Variants in TMEM144 observed in about 807,000 individuals in gnomAD.
TMEM144 encodes transmembrane protein 144.
Under a neutral mutation model 43.6 loss-of-function variants are expected in TMEM144, and 39 were observed. The ratio of observed to expected loss-of-function variants is 0.90; its 90% CI spans 0.69 to 1.17. TMEM144 has a LOEUF of 1.17. TMEM144 is among the 50% of genes most tolerant of loss of function. The pLI is 0.00. For missense variants in TMEM144, 417 were observed against 411.9 expected (o/e 1.01, Z -0.11); for synonymous variants, 154 against 133.6 (o/e 1.15, Z -1.06).
intron 11 of TMEM144, 26 bp downstream of exon 11, chr4:158,241,632 A>G: frequency 1.2e-6 from 2 of 1,600,590 alleles, no homozygotes; most frequent in East Asian, 2.2e-5. Context: ...GGTTTTCCTA[A>G]TTTTCATTTT....
In TMEM144 at chr4:158,237,608, G is replaced by T; in HGVS notation, c.647G>T (p.Arg216Ile). 6.2e-7 allele frequency: 1 copy of T among 1,613,736 alleles called. No homozygotes were observed. The highest frequency in any genetic ancestry group is 8.5e-7 in the Non-Finnish European group (1 of 1,179,784). The change falls in exon 9 of 13, where the codon AGA becomes ATA. Residue 216 changes from arginine (R) to isoleucine (I), a missense_variant. By Grantham distance (97) the Arg-to-Ile change is moderately conservative. Transcript: ENST00000296529. ...PIIYIKDHSK[R>I]NDSIYAGASQ... ...ATCTACATCAAGGACCACAGCAAAA[G>T]AAATGATAGTATATATGCAGGGGCA...
In TMEM144 at chr4:158,212,682, A is replaced by G; in HGVS notation, c.15A>G (p.Gly5=). MSNN[G]ADLTFGYISC... is the part of the protein sequence containing the mutation. ...AGACTGGAATCATGAGCAACAATGG[A>G]GCAGACCTAACCTTTGGTTACATCT... is the stretch of plus-strand genomic sequence containing the variant. The change falls in exon 3 of 13, where the codon GGA becomes GGG. Residue 5 remains glycine, a synonymous_variant. Coordinates refer to ENST00000296529, the MANE Select transcript of TMEM144 (RefSeq NM_018342.5). The G allele has an allele frequency of 2.5e-6, 4 of 1,612,794 alleles. No individual in the cohort carries two copies. Among genetic ancestry groups the G allele is most frequent in the Non-Finnish European group, 3.4e-6 (4 of 1,179,572 alleles).
chr4:158,217,223 C>T (rs576587604), intron 4 of TMEM144, 98 bp from the exon 5 acceptor site: 2 of 779,330 alleles, frequency 2.6e-6, no homozygotes, highest in East Asian at 5.7e-5. Flanking sequence ...GTCCAAATCA[C>T]ATGCACTTCA....
intron 6 of TMEM144, among the ~76,000 whole-genome samples, chr4:158,222,460 C>T (rs1468635244): frequency 6.6e-6 from 1 of 152,212 alleles, no homozygotes; most frequent in Non-Finnish European, 1.5e-5. Context: ...GCCTCCTTGG[C>T]CATCATTTAA....
At chr4:158,220,447 A>C (rs1000056559) in intron 6 of TMEM144, among the ~76,000 whole-genome samples, 3 of 152,214 alleles carry the variant, frequency 2.0e-5, no homozygotes, top group African/African-American at 7.2e-5. Flanking sequence ...TACCCAGTCT[A>C]TCAGGCATTG....
At chr4:158,219,233 C>T in intron 5 of TMEM144, 77 bp from the exon 6 acceptor site, 2 of 1,413,836 alleles carry the variant, frequency 1.4e-6, no homozygotes, top group Admixed American at 1.7e-5. Flanking sequence ...GGAATCTGGC[C>T]CCTAGTCCAT....
chr4:158,211,948 G>A (rs1733979258), intron 2 of TMEM144: 2 of 152,094 alleles, frequency 1.3e-5, no homozygotes, highest in African/African-American at 4.8e-5. Flanking sequence ...AAAATAACAA[G>A]GAAAGGTGAT....
At chr4:158,230,606 C>T (rs1334078825) in intron 6 of TMEM144, among the ~76,000 whole-genome samples, 1 of 151,458 alleles carries the variant, frequency 6.6e-6, no homozygotes, top group Non-Finnish European at 1.5e-5. Flanking sequence ...TATATGCACA[C>T]ACAGAAATAC....
At chr4:158,252,773 A>C (rs569176999) in intron 12 of TMEM144, among the ~76,000 whole-genome samples, 1 of 149,184 alleles carries the variant, frequency 6.7e-6, no homozygotes, top group East Asian at 2.0e-4. Flanking sequence ...ACGCCACTGA[A>C]CTCCAGCCTA....
chr4:158,223,602 C>T (rs182314884), intron 6 of TMEM144, among the ~76,000 whole-genome samples: 72 of 152,248 alleles, frequency 4.7e-4, no homozygotes, highest in African/African-American at 1.7e-3. Flanking sequence ...GTGTTGTTCC[C>T]CTCCCTGTGT....
rs541011477 is a variant in TMEM144 at position 158,254,707 on chromosome 4, A to C, written c.*1180A>C. 7 of 152,220 alleles carry C rather than the reference A, an allele frequency of 4.6e-5. No individual in the cohort carries two copies. The highest frequency in any genetic ancestry group is 1.7e-4 in the African/African-American group (7 of 41,458). The allele number at this position is 152,220 out of a possible 1,614,324, so 9.4% of individuals were successfully genotyped here. ...CTTTGAGATAACGAAACCCCTATTC[A>C]AATGTAAATTTTACCCATTCCCACC... On this transcript the variant is annotated 3_prime_UTR_variant, in exon 13 of 13. Transcript: ENST00000296529.
intron 5 of TMEM144, among the ~76,000 whole-genome samples, chr4:158,217,710 G>C (rs145658044): frequency 6.1e-4 from 93 of 152,274 alleles, no homozygotes; most frequent in African/African-American, 2.2e-3. Context: ...CAATTTGCTG[G>C]ACATGTTCTA....
chr4:158,223,746 T>C (rs1215307856), intron 6 of TMEM144, among the ~76,000 whole-genome samples: 1 of 152,232 alleles, frequency 6.6e-6, no homozygotes, highest in Non-Finnish European at 1.5e-5. Context: ...ATGACCTCAT[T>C]CCTCTTTATG....
chr4:158,215,358 T>C (rs1734171117), intron 4 of TMEM144, 45 bp downstream of exon 4: 1 of 1,594,230 alleles, frequency 6.3e-7, no homozygotes, highest in South Asian at 1.1e-5. Flanking sequence ...AACATAATGA[T>C]AAAAATAATT....
At chr4:158,218,248 T>C (rs983291997) in intron 5 of TMEM144, among the ~76,000 whole-genome samples, 2 of 152,200 alleles carry the variant, frequency 1.3e-5, no homozygotes, top group Admixed American at 1.3e-4. Context: ...GCTACTCTTT[T>C]GTGCAGTGAA....
chr4:158,254,450 T>G lies in TMEM144; in HGVS notation c.*923T>G, dbSNP rs1482294331. ...AGGCATGCTAGTTTTTTTTTTTTTT[T>G]TTTTTTTTTAAGAAAACTGAAATTA... On this transcript the variant is annotated 3_prime_UTR_variant, in exon 13 of 13. Coordinates refer to ENST00000296529, the MANE Select transcript of TMEM144 (RefSeq NM_018342.5). 2.0e-5 allele frequency: 3 copies of G among 151,180 alleles called. No individual in the cohort carries two copies. The highest frequency in any genetic ancestry group is 7.3e-5 in the African/African-American group (3 of 41,166). The allele number at this position is 151,180 out of a possible 1,614,324, so 9.4% of individuals were successfully genotyped here.
intron 3 of TMEM144, among the ~76,000 whole-genome samples, chr4:158,214,866 C>A (rs893943849): frequency 6.6e-6 from 1 of 152,104 alleles, no homozygotes; most frequent in East Asian, 1.9e-4. Flanking sequence ...GCAGAAAATT[C>A]TTGATTTGTC....
At chr4:158,228,866 G>A (rs981216303) in intron 6 of TMEM144, among the ~76,000 whole-genome samples, 2 of 152,136 alleles carry the variant, frequency 1.3e-5, no homozygotes, top group South Asian at 2.1e-4. Context: ...AGCTCCCCAA[G>A]TGAGCAATTC....
intron 9 of TMEM144, 57 bp downstream of exon 9, chr4:158,237,700 G>A: frequency 1.7e-6 from 2 of 1,198,150 alleles, no homozygotes; most frequent in Non-Finnish European, 2.4e-6. Context: ...AATATAAAAA[G>A]AATTGTGATA....
Sources: allele counts gnomAD v4.1 joint callset (sites outside exome capture counted in the v4.1 genomes callset), GRCh38; gene constraint gnomAD v4.1.1; transcripts MANE v1.5; gene names NCBI Gene and HGNC (gene_info 2026-07-23, HGNC 2026-07-21).